The following KCNQ5 variants were observed in gnomAD, a reference collection of about 807,000 sequenced individuals.
KCNQ5 encodes the protein potassium voltage-gated channel subfamily KQT member 5.
A neutral mutation model predicts 98.2 loss-of-function variants in KCNQ5; 30 were observed. That is an observed-to-expected ratio of 0.31 (90% CI 0.23 to 0.41). The LOEUF (loss-of-function observed/expected upper bound fraction) is 0.41. Among genes scored for constraint, KCNQ5 ranks in the 10% least tolerant of loss-of-function variants. The pLI is 1.00. For synonymous variants in KCNQ5, 458 were observed against 449.4 expected, an observed-to-expected ratio of 1.02 and a Z score of -0.24; for missense variants, 835 against 1,182.5, an observed-to-expected ratio of 0.71 and a Z score of 4.31.
At chr6:73,105,601 C>CA (rs1774966740) in intron 6 of KCNQ5, among the ~76,000 whole-genome samples, 1 of 152,072 alleles carries the variant, frequency 6.6e-6, no homozygotes. Flanking sequence ...ACTTTGTGAC[C>CA]AAATAATCAT....
At chr6:72,923,728 A>G (rs1170271596) in intron 1 of KCNQ5, among the ~76,000 whole-genome samples, 2 of 152,146 alleles carry the variant, frequency 1.3e-5, no homozygotes, top group African/African-American at 2.4e-5. Context: ...TGCAGTGTCT[A>G]CTGTTCCCAA....
chr6:72,744,279 A>G (rs1369667212), intron 1 of KCNQ5, among the ~76,000 whole-genome samples: 1 of 152,044 alleles, frequency 6.6e-6, no homozygotes, highest in Non-Finnish European at 1.5e-5. Flanking sequence ...ACTGCAATCT[A>G]TTTATCCTGT....
chr6:73,178,872 AAAC>A (rs1489858657), intron 11 of KCNQ5, among the ~76,000 whole-genome samples: 2 of 152,212 alleles, frequency 1.3e-5, no homozygotes, highest in African/African-American at 2.4e-5. Context: ...ATTAACAAGA[AAAC>A]AACATTAAAA....
At chr6:72,895,162 G>T (rs375141830) in intron 1 of KCNQ5, among the ~76,000 whole-genome samples, 1 of 148,852 alleles carries the variant, frequency 6.7e-6, no homozygotes, top group African/African-American at 2.5e-5. Context: ...GGTGGCGGGC[G>T]CCTGTAGTCC....
chr6:73,137,107 A>C (rs2797088), intron 10 of KCNQ5, among the ~76,000 whole-genome samples: 8,243 of 152,260 alleles, frequency 0.054, 262 homozygotes, highest in African/African-American at 0.093. Flanking sequence ...AATAGAGAAA[A>C]AAAAAATATT....
At chr6:73,038,487 G>A (rs535356278) in intron 2 of KCNQ5, among the ~76,000 whole-genome samples, 1 of 152,120 alleles carries the variant, frequency 6.6e-6, no homozygotes, top group African/African-American at 2.4e-5. Flanking sequence ...TCACTATTAA[G>A]TATGATGTTA....
intron 1 of KCNQ5, among the ~76,000 whole-genome samples, chr6:72,737,778 CTT>C (rs773277800): frequency 6.6e-6 from 1 of 151,956 alleles, no homozygotes; most frequent in Non-Finnish European, 1.5e-5. Context: ...TTTCATGAAA[CTT>C]GTCTCAGTTT....
At chr6:72,888,429 T>C (rs1047498487) in intron 1 of KCNQ5, among the ~76,000 whole-genome samples, 1 of 152,204 alleles carries the variant, frequency 6.6e-6, no homozygotes, top group African/African-American at 2.4e-5. Flanking sequence ...ACTAGCATAC[T>C]AGTTTTATGC....
At chr6:72,744,996 G>A (rs992259762) in intron 1 of KCNQ5, among the ~76,000 whole-genome samples, 2 of 152,102 alleles carry the variant, frequency 1.3e-5, no homozygotes, top group Non-Finnish European at 2.9e-5. Context: ...ATACAGAGAA[G>A]TATAATTCAA....
At chr6:72,903,117 C>T (rs1221663750) in intron 1 of KCNQ5, among the ~76,000 whole-genome samples, 1 of 152,034 alleles carries the variant, frequency 6.6e-6, no homozygotes, top group African/African-American at 2.4e-5. Context: ...ACTTTATGCA[C>T]GTAAAGGTGT....
intron 3 of KCNQ5, among the ~76,000 whole-genome samples, chr6:73,048,777 T>C (rs141326163): frequency 1.3e-5 from 2 of 152,352 alleles, no homozygotes; most frequent in East Asian, 3.9e-4. Context: ...CATTGTTTTT[T>C]AAAATGTTAT....
intron 5 of KCNQ5, among the ~76,000 whole-genome samples, chr6:73,081,613 C>T (rs1378717282): frequency 2.6e-5 from 4 of 152,102 alleles, no homozygotes; most frequent in African/African-American, 9.7e-5. Flanking sequence ...TATTGTTCAC[C>T]TGAACACATT....
chr6:72,760,447 C>CGT (rs10607088), intron 1 of KCNQ5, among the ~76,000 whole-genome samples: 2,062 of 148,110 alleles, frequency 0.014, 26 homozygotes, highest in South Asian at 0.038. Flanking sequence ...TTCAGGAGTA[C>CGT]GTGTGTGTGT....
In KCNQ5 at chr6:72,996,148, T is replaced by G. The variant is rs1769290317; in HGVS notation, c.399-7760T>G. Among the ~76,000 whole-genome samples, 3 of 152,092 alleles carry G rather than the reference T, an allele frequency of 2.0e-5. No homozygotes were observed. The South Asian group carries it at 6.2e-4, about 32-fold the overall frequency. ...AATATTTGTGATTGATATAATACAG[T>G]GAAAGTAAGATAATGATAGAACAGT... On this transcript the variant is annotated intron_variant, in intron 1 of 13. Coordinates refer to ENST00000370398, the MANE Select transcript of KCNQ5 (RefSeq NM_019842.4).
intron 1 of KCNQ5, among the ~76,000 whole-genome samples, chr6:72,973,360 C>A (rs1285196248): frequency 6.6e-6 from 1 of 151,894 alleles, no homozygotes; most frequent in Non-Finnish European, 1.5e-5. Context: ...TATGGGTCAA[C>A]AATACTTTTT....
At chr6:73,181,029 G>A (rs1456694724) in intron 11 of KCNQ5, among the ~76,000 whole-genome samples, 1 of 152,188 alleles carries the variant, frequency 6.6e-6, no homozygotes, top group Non-Finnish European at 1.5e-5. Context: ...AGAACTCATG[G>A]CAGCACAACA....
chr6:72,764,481 G>T (rs1303677113), intron 1 of KCNQ5, among the ~76,000 whole-genome samples: 1 of 151,708 alleles, frequency 6.6e-6, no homozygotes, highest in Non-Finnish European at 1.5e-5. Flanking sequence ...TTTAATTTTT[G>T]TGGGTAAGTA....
At chr6:72,889,544 A>G (rs1176722455) in intron 1 of KCNQ5, among the ~76,000 whole-genome samples, 1 of 152,058 alleles carries the variant, frequency 6.6e-6, no homozygotes, top group African/African-American at 2.4e-5. Flanking sequence ...AGAGAAACAA[A>G]CTCACCTTGA....
At chr6:72,965,943 G>A (rs1378239618) in intron 1 of KCNQ5, among the ~76,000 whole-genome samples, 1 of 152,174 alleles carries the variant, frequency 6.6e-6, no homozygotes, top group African/African-American at 2.4e-5. Flanking sequence ...CAACCTCTTG[G>A]TTTTACAGAA....
Sources: gnomAD v4.1 joint callset for allele counts (sites outside exome capture counted in the v4.1 genomes callset) on GRCh38, gnomAD v4.1.1 for gene constraint, MANE v1.5 for transcripts, NCBI Gene and HGNC (gene_info 2026-07-23, HGNC 2026-07-21) for gene names.